SLAMF7: variants seen among roughly 807,000 people sequenced by gnomAD.
The protein encoded by SLAMF7 is 19A24 protein.
SLAMF7 carries 26 observed loss-of-function variants against 34.1 expected under a neutral mutation model. That is an observed-to-expected ratio of 0.76 (90% CI 0.56 to 1.06). SLAMF7 has a LOEUF of 1.06. SLAMF7 is among the 50% of genes least tolerant of loss of function. The pLI, the probability that SLAMF7 is intolerant of heterozygous loss-of-function variation, is 0.00. For missense variants in SLAMF7, 399 were observed against 402.5 expected, an observed-to-expected ratio of 0.99 and a Z score of 0.07; for synonymous variants, 171 against 156.4, an observed-to-expected ratio of 1.09 and a Z score of -0.70.
chr1:160,750,839 A>C, intron 4 of SLAMF7: 1 of 212,646 alleles, frequency 4.7e-6, no homozygotes, highest in Non-Finnish European at 9.5e-6. Flanking sequence ...CCCACAAACC[A>C]CCCACACCCT....
At chr1:160,741,612 GA>G (rs1413740398) in intron 1 of SLAMF7, among the ~76,000 whole-genome samples, 1 of 151,836 alleles carries the variant, frequency 6.6e-6, no homozygotes, top group African/African-American at 2.4e-5. Context: ...ATTTTACACA[GA>G]AAAAAACAAA....
intron 1 of SLAMF7, 95 bp downstream of exon 1, chr1:160,739,451 G>A: frequency 9.5e-7 from 1 of 1,050,040 alleles, no homozygotes. Context: ...GCTCAACTCG[G>A]GAGGCTCTGT....
intron 1 of SLAMF7, among the ~76,000 whole-genome samples, chr1:160,740,886 C>A (rs746389649): frequency 7.2e-5 from 11 of 152,128 alleles, no homozygotes; most frequent in Non-Finnish European, 1.0e-4. Context: ...GATAACACAG[C>A]ATTTATAAGG....
In SLAMF7 at chr1:160,753,429, G is replaced by A. The variant is rs1664792284; in HGVS notation, c.*252G>A. 3 of 504,788 alleles carry A rather than the reference G, an allele frequency of 5.9e-6. No individual in the cohort carries two copies. The highest frequency in any genetic ancestry group is 2.8e-5 in the South Asian group (1 of 35,764). 31.3% of individuals were successfully genotyped at this position (504,788 alleles called of 1,614,324 possible). A position where few individuals can be genotyped will look rare whatever the true frequency, so the allele number is the denominator to read the frequency against. ...CCCAAAAATGGGATTGTGAATGTCA[G>A]CAAACCATAAAAAAAGTGCTTAGAA... On this transcript the variant is annotated 3_prime_UTR_variant, in exon 7 of 7. Coordinates refer to ENST00000368043, the MANE Select transcript of SLAMF7 (RefSeq NM_021181.5).
chr1:160,751,723 A>G (rs568508146), intron 5 of SLAMF7: 2 of 341,622 alleles, frequency 5.9e-6, no homozygotes, highest in South Asian at 9.8e-5. Flanking sequence ...ACGGCCACAC[A>G]AAAGGCCAGA....
At chr1:160,748,810 C>G (rs1325595253) in intron 2 of SLAMF7, among the ~76,000 whole-genome samples, 1 of 152,190 alleles carries the variant, frequency 6.6e-6, no homozygotes, top group African/African-American at 2.4e-5. Flanking sequence ...TATTTAATTT[C>G]TTCAAGTCTT....
chr1:160,748,130 G>C (rs937286334), intron 1 of SLAMF7, 64 bp from the exon 2 acceptor site: 7 of 1,534,152 alleles, frequency 4.6e-6, no homozygotes, highest in Non-Finnish European at 6.2e-6. Flanking sequence ...GGACCCAAAG[G>C]GGGTGAGTAA....
At position 160,748,493 on chromosome 1, in the gene SLAMF7, G is replaced by C. The variant is rs1664306335; in HGVS notation, c.355G>C (p.Glu119Gln). The C allele has an allele frequency of 1.2e-6, 2 of 1,613,232 alleles. No individual in the cohort carries two copies. Among genetic ancestry groups the C allele is most frequent in the Non-Finnish European group, 1.7e-6 (2 of 1,179,432 alleles). The change falls in exon 2 of 7, where the codon GAG becomes CAG. Residue 119 changes from glutamate to glutamine, a missense_variant. Coordinates refer to ENST00000368043, the MANE Select transcript of SLAMF7 (RefSeq NM_021181.5). The stretch of plus-strand genomic sequence containing the variant: ...ATCACTCCAGCAGCCCTCCACCCAG[G>C]AGTACGTGCTGCATGTCTACGGTGA... ...SSSLQQPSTQEYVLHVYEHLS... is the reference protein window; with the variant it reads ...SSSLQQPSTQQYVLHVYEHLS...
Position 160,749,841 on chromosome 1 carries a change from G to T in SLAMF7, c.397G>T (p.Val133Phe). 1 of 1,601,890 alleles carries T rather than the reference G, an allele frequency of 6.2e-7. No individual in the cohort carries two copies. Among genetic ancestry groups the T allele is most frequent in the Non-Finnish European group, 8.5e-7 (1 of 1,173,310 alleles). The part of the protein sequence containing the change: ...HVYEHLSKPK[V>F]TMGLQSNKNG... ...CACAGAGCACCTGTCAAAGCCTAAAGTCACCATGGGTCTGCAGAGCAATAA... is the reference window on the plus strand; with the variant it reads ...CACAGAGCACCTGTCAAAGCCTAAATTCACCATGGGTCTGCAGAGCAATAA... Residue 133 changes from valine (V) to phenylalanine (F), a missense_variant, in exon 3 of 7, where the codon GTC becomes TTC. Physicochemically the swap from Val to Phe is conservative, Grantham distance 50. Transcript: ENST00000368043.
At position 160,748,264 on chromosome 1, in the gene SLAMF7, G is replaced by A. The variant is rs1362072822; in HGVS notation, c.126G>A (p.Lys42=). ...SVGGAVTFPL[K]SKVKQVDSIV... is the part of the protein sequence containing the mutation. ...GTGGGGCCGTGACTTTCCCCCTGAA[G>A]TCCAAAGTAAAGCAAGTTGACTCTA... Residue 42 remains lysine (K), a synonymous_variant, in exon 2 of 7, where the codon AAG becomes AAA. Transcript: ENST00000368043. 2 of 1,613,978 alleles carry A rather than the reference G, an allele frequency of 1.2e-6. No individual in the cohort carries two copies. Among genetic ancestry groups the A allele is most frequent in the East Asian group, 2.2e-5 (1 of 44,900 alleles).
At position 160,750,065 on chromosome 1, in the gene SLAMF7, C is replaced by T. The variant is rs1316036442; in HGVS notation, c.621C>T (p.Ser207=). The T allele has an allele frequency of 1.9e-6, 3 of 1,613,944 alleles. No homozygotes were observed. The highest frequency in any genetic ancestry group is 2.5e-6 in the Non-Finnish European group (3 of 1,179,964). ...ACCCTGTCAGCAGAAACTTCTCAAG[C>T]CCCATCCTTGCCAGGAAGCTCTGTG... The part of the protein sequence containing the change: ...ARNPVSRNFS[S]PILARKLCEG... The change falls in exon 3 of 7, where the codon AGC becomes AGT. Residue 207 remains serine, a synonymous_variant. Coordinates refer to ENST00000368043, the MANE Select transcript of SLAMF7 (RefSeq NM_021181.5).
chr1:160,752,955 G>A (rs1664751498), intron 6 of SLAMF7, 151 bp from the exon 7 acceptor site: 1 of 653,022 alleles, frequency 1.5e-6, no homozygotes, highest in African/African-American at 1.8e-5. Flanking sequence ...CTAAGCTAGG[G>A]GTGATTAAAA....
At chr1:160,741,943 C>T (rs746810338) in intron 1 of SLAMF7, among the ~76,000 whole-genome samples, 1 of 152,136 alleles carries the variant, frequency 6.6e-6, no homozygotes, top group Non-Finnish European at 1.5e-5. Context: ...TCATGGTTTT[C>T]ATGAGGAGAG....
intron 2 of SLAMF7, among the ~76,000 whole-genome samples, chr1:160,749,055 A>G (rs1421449032): frequency 6.6e-6 from 1 of 152,230 alleles, no homozygotes; most frequent in Non-Finnish European, 1.5e-5. Context: ...ACAATGACTC[A>G]AACTTCTTCA....
intron 2 of SLAMF7, 127 bp from the exon 3 acceptor site, chr1:160,749,694 C>G: frequency 1.3e-6 from 1 of 759,028 alleles, no homozygotes; most frequent in Non-Finnish European, 2.1e-6. Flanking sequence ...GGATTCTGCT[C>G]TGAATTACTG....
intron 6 of SLAMF7, 120 bp from the exon 7 acceptor site, chr1:160,752,986 T>C: frequency 1.3e-6 from 1 of 798,582 alleles, no homozygotes; most frequent in Non-Finnish European, 2.1e-6. Context: ...GGAGCCAGCA[T>C]GCCAGCCGAT....
chr1:160,752,189 A>C lies in SLAMF7; in HGVS notation c.877A>C (p.Thr293Pro). Residue 293 changes from threonine to proline, a missense_variant, in exon 6 of 7, where the codon ACA becomes CCA. By Grantham distance (38) the Thr-to-Pro change is conservative. Transcript: ENST00000368043. ...EYDTIPHTNRTILKEDPANTV... is the reference protein window; with the variant it reads ...EYDTIPHTNRPILKEDPANTV... ...GTTTGTTGTTTGTTTTTAAAAGAGA[A>C]CAATCCTAAAGGAAGATCCAGCAAA... The C allele has an allele frequency of 6.2e-7, 1 of 1,612,580 alleles. No individual in the cohort carries two copies. The highest frequency in any genetic ancestry group is 8.5e-7 in the Non-Finnish European group (1 of 1,178,978).
chr1:160,739,175 A>G (rs1205131086), upstream of SLAMF7: 1 of 831,582 alleles, frequency 1.2e-6, no homozygotes, highest in Non-Finnish European at 2.1e-6. Context: ...TAATTTAGCA[A>G]TTACTCAATC....
rs1270817465 is a variant in SLAMF7 at position 160,750,130 on chromosome 1, C to T, written c.649+37C>T. 4 of 1,603,244 alleles carry T rather than the reference C, an allele frequency of 2.5e-6. No individual in the cohort carries two copies. In the African/African-American group the frequency reaches 5.4e-5, roughly 21 times the overall value. ...TCCCCTCTCCACAGGAGACTCTGCC[C>T]AGGTCCTACACCTTCTTCAGCTCCT... On this transcript the variant is annotated intron_variant, in intron 3 of 6. Coordinates refer to ENST00000368043, the MANE Select transcript of SLAMF7 (RefSeq NM_021181.5).
Sources: gnomAD v4.1 joint callset for allele counts (sites outside exome capture counted in the v4.1 genomes callset) on GRCh38, gnomAD v4.1.1 for gene constraint, MANE v1.5 for transcripts, NCBI Gene and HGNC (gene_info 2026-07-23, HGNC 2026-07-21) for gene names.